The following SAMD3 variants were observed in gnomAD, a reference collection of about 807,000 sequenced individuals.
The protein encoded by SAMD3 is sterile alpha motif domain containing 3.
In SAMD3, 63 loss-of-function variants were observed where a neutral mutation model predicts 58.5. The observed-to-expected ratio is 1.08, with a 90% CI of 0.88 to 1.33. SAMD3 has a LOEUF of 1.33. Ranked by LOEUF, SAMD3 falls within the 40% of genes most tolerant of loss-of-function variation. The probability of loss-of-function intolerance (pLI) is 0.00; values close to 1 mark genes in which losing one functional copy is unlikely to be tolerated. For missense variants in SAMD3, 604 were observed against 608.4 expected, an observed-to-expected ratio of 0.99 and a Z score of 0.08; for synonymous variants, 220 against 210.3, an observed-to-expected ratio of 1.05 and a Z score of -0.40.
intron 1 of SAMD3, among the ~76,000 whole-genome samples, chr6:130,338,407 T>C (rs764235970): frequency 4.6e-5 from 7 of 152,242 alleles, no homozygotes; most frequent in Non-Finnish European, 7.3e-5. Context: ...TGTGGGGTTG[T>C]AGCCCCCACA....
intron 2 of SAMD3, among the ~76,000 whole-genome samples, chr6:130,296,929 C>A (rs1242836767): frequency 6.6e-6 from 1 of 152,120 alleles, no homozygotes; most frequent in Non-Finnish European, 1.5e-5. Context: ...TTGGTACACA[C>A]CCCAGCCCCT....
chr6:130,260,466 G>C (rs569240700), intron 2 of SAMD3, among the ~76,000 whole-genome samples: 19 of 152,346 alleles, frequency 1.2e-4, no homozygotes, highest in African/African-American at 4.1e-4. Context: ...CCATAGAGTT[G>C]TGAGCCCTTA....
At chr6:130,323,802 C>CCAAAAAA in intron 1 of SAMD3, among the ~76,000 whole-genome samples, 1 of 53,546 alleles carries the variant, frequency 1.9e-5, no homozygotes, top group Non-Finnish European at 3.3e-5. Context: ...GACTCTGTCT[C>CCAAAAAA]AAAAAAAAAA....
At chr6:130,194,101 C>T (rs142677804) in intron 5 of SAMD3, among the ~76,000 whole-genome samples, 1,996 of 152,282 alleles carry the variant, frequency 0.013, 18 homozygotes, top group South Asian at 0.042. Context: ...TCCTCACACC[C>T]AGTCTGGCTT....
At chr6:130,281,405 A>G (rs1185970936) in intron 2 of SAMD3, among the ~76,000 whole-genome samples, 1 of 152,146 alleles carries the variant, frequency 6.6e-6, no homozygotes, top group Non-Finnish European at 1.5e-5. Flanking sequence ...TTAGGGTTAG[A>G]GGTGCACCAT....
chr6:130,147,907 T>C (rs1445245961), intron 9 of SAMD3, among the ~76,000 whole-genome samples: 1 of 152,258 alleles, frequency 6.6e-6, no homozygotes, highest in Non-Finnish European at 1.5e-5. Context: ...TTTATGCATT[T>C]CTGGCAAGAA....
chr6:130,231,500 G>A (rs1236807608), intron 2 of SAMD3, among the ~76,000 whole-genome samples: 1 of 152,080 alleles, frequency 6.6e-6, no homozygotes, highest in African/African-American at 2.4e-5. Flanking sequence ...GGAGGCGGAG[G>A]TTGCCGTGAG....
At chr6:130,228,365 T>C (rs2114874588) in intron 2 of SAMD3, among the ~76,000 whole-genome samples, 1 of 152,290 alleles carries the variant, frequency 6.6e-6, no homozygotes, top group Admixed American at 6.5e-5. Flanking sequence ...TTTTTCTGCA[T>C]GCCATGATGA....
At chr6:130,185,628 ATTTTTTTTT>A (rs1224222250) in intron 5 of SAMD3, among the ~76,000 whole-genome samples, 3 of 132,382 alleles carry the variant, frequency 2.3e-5, no homozygotes, top group Non-Finnish European at 4.9e-5. Context: ...CATCTGCCCA[ATTTTTTTTT>A]TTTTTTTTTT....
At chr6:130,247,120 T>C (rs1228122053) in intron 2 of SAMD3, among the ~76,000 whole-genome samples, 5 of 152,022 alleles carry the variant, frequency 3.3e-5, no homozygotes, top group Admixed American at 3.3e-4. Context: ...ACATTAGAAA[T>C]AAAAGGAGCT....
intron 2 of SAMD3, among the ~76,000 whole-genome samples, chr6:130,280,241 G>A (rs943558655): frequency 2.6e-5 from 4 of 152,142 alleles, no homozygotes; most frequent in Non-Finnish European, 4.4e-5. Flanking sequence ...TCCTAATCAC[G>A]AAGTTATTAA....
At chr6:130,329,129 T>C (rs1280746585) in intron 1 of SAMD3, among the ~76,000 whole-genome samples, 2 of 152,122 alleles carry the variant, frequency 1.3e-5, no homozygotes, top group African/African-American at 4.8e-5. Context: ...TTGGTCATTG[T>C]TAATCCGCTT....
At chr6:130,285,670 G>T (rs2047881) in intron 2 of SAMD3, among the ~76,000 whole-genome samples, 22,158 of 152,214 alleles carry the variant, frequency 0.15, 2,029 homozygotes, top group East Asian at 0.36. Flanking sequence ...CATGTATTTT[G>T]TAATGTCATT....
At chr6:130,157,219 A>G (rs952123977) in intron 8 of SAMD3, among the ~76,000 whole-genome samples, 2 of 152,072 alleles carry the variant, frequency 1.3e-5, no homozygotes, top group African/African-American at 4.8e-5. Context: ...AAACATGACC[A>G]TTTCAAATAA....
chr6:130,365,421 C>T, exon 1 of SAMD3: 4 of 985,470 alleles, frequency 4.1e-6, no homozygotes, highest in Non-Finnish European at 4.8e-6. Flanking sequence ...TTGGCCGCGT[C>T]TTTTCCGGCC....
rs141371137 is a variant in SAMD3 at position 130,214,520 on chromosome 6, T to C, written c.86A>G (p.Glu29Gly). Reference protein sequence around the residue: ...GELVHRFQEEEVSGAALLALN... With the variant: ...GELVHRFQEEGVSGAALLALN... Reference sequence around the variant, plus strand: ...TGCAAGAAGAGCGGCCCCACTTACTTCTTCCTCTGGGAAAAAGAAAAAAAA... The same window carrying C: ...TGCAAGAAGAGCGGCCCCACTTACTCCTTCCTCTGGGAAAAAGAAAAAAAA... Residue 29 changes from glutamate (E) to glycine (G), a missense_variant, in exon 4 of 12, where the codon GAA (glutamate) becomes GGA (glycine). Physicochemically the swap from Glu to Gly is moderately conservative, Grantham distance 98. Coordinates refer to ENST00000439090, the MANE Select transcript of SAMD3 (RefSeq NM_001017373.4). 7.6e-6 allele frequency: 12 copies of C among 1,579,526 alleles called. No homozygotes were observed. The highest frequency in any genetic ancestry group is 6.8e-5 in the East Asian group (3 of 43,902).
chr6:130,184,818 A>T (rs1474907647), intron 5 of SAMD3, among the ~76,000 whole-genome samples, 195 bp from the exon 6 acceptor site: 1 of 152,256 alleles, frequency 6.6e-6, no homozygotes, highest in African/African-American at 2.4e-5. Flanking sequence ...GTCCATTCAC[A>T]CAACACATAA....
chr6:130,235,474 G>A (rs1773115335), intron 2 of SAMD3, among the ~76,000 whole-genome samples: 1 of 152,056 alleles, frequency 6.6e-6, no homozygotes, highest in Non-Finnish European at 1.5e-5. Context: ...TTCATGGATT[G>A]GAAATCTAGA....
intron 8 of SAMD3, among the ~76,000 whole-genome samples, chr6:130,175,561 A>G (rs1485806606): frequency 6.6e-6 from 1 of 152,158 alleles, no homozygotes; most frequent in Non-Finnish European, 1.5e-5. Context: ...AAAAAAAAAA[A>G]TTATTCAAGG....
Sources: gnomAD v4.1 joint callset for allele counts (sites outside exome capture counted in the v4.1 genomes callset) on GRCh38, gnomAD v4.1.1 for gene constraint, MANE v1.5 for transcripts, NCBI Gene and HGNC (gene_info 2026-07-23, HGNC 2026-07-21) for gene names.